Variants in TAOK3 observed in about 807,000 individuals in gnomAD.
TAOK3 encodes TAO kinase 3.
Under a neutral mutation model 120.4 loss-of-function variants are expected in TAOK3, and 40 were observed. The observed-to-expected ratio is 0.33, with a 90% confidence interval of 0.26 to 0.43. The LOEUF (loss-of-function observed/expected upper bound fraction) is 0.43, where lower values mean the gene tolerates loss of function less well. Ranked by LOEUF, TAOK3 falls within the 20% of genes least tolerant of loss-of-function variation. The pLI is 1.00. For missense variants in TAOK3, 821 were observed against 1,112.1 expected (o/e 0.74, Z 3.72); for synonymous variants, 355 against 387.5 (o/e 0.92, Z 0.99).
intron 10 of TAOK3, 30 bp downstream of exon 10, chr12:118,213,987 T>C: frequency 6.4e-7 from 1 of 1,561,358 alleles, no homozygotes. Flanking sequence ...GTGATTTTCT[T>C]AGAGATTTAA....
chr12:118,309,327 C>CA (rs771231916), intron 1 of TAOK3, among the ~76,000 whole-genome samples: 7,345 of 70,382 alleles, frequency 0.1, 418 homozygotes, highest in East Asian at 0.36. Flanking sequence ...AGACTGTCTC[C>CA]AAAAAAAAAA....
chr12:118,237,750 G>T (rs2040075363), intron 7 of TAOK3, among the ~76,000 whole-genome samples: 1 of 152,108 alleles, frequency 6.6e-6, no homozygotes, highest in African/African-American at 2.4e-5. Context: ...ATAAATATAT[G>T]CAAGGAAGGT....
intron 1 of TAOK3, among the ~76,000 whole-genome samples, chr12:118,336,740 C>G (rs372307061): frequency 2.0e-5 from 3 of 152,040 alleles, no homozygotes; most frequent in African/African-American, 7.2e-5. Flanking sequence ...AACTCAAAAC[C>G]CAACAGTAAA....
chr12:118,369,112 T>G (rs999123630), intron 1 of TAOK3, among the ~76,000 whole-genome samples: 20 of 151,378 alleles, frequency 1.3e-4, no homozygotes, highest in South Asian at 1.1e-3. Context: ...CGCTTGATCT[T>G]GGGAGGCAGA....
At chr12:118,314,061 T>G (rs1197173273) in intron 1 of TAOK3, among the ~76,000 whole-genome samples, 1 of 152,184 alleles carries the variant, frequency 6.6e-6, no homozygotes, top group Non-Finnish European at 1.5e-5. Context: ...CTTTTAACAG[T>G]GACATTTTAA....
At chr12:118,172,350 C>G (rs1358005332) in intron 17 of TAOK3, 107 bp downstream of exon 17, 109 of 1,223,368 alleles carry the variant, frequency 8.9e-5, no homozygotes, top group Non-Finnish European at 2.4e-6. Context: ...TGCTAAAAGG[C>G]TAGAAAGGCT....
At chr12:118,162,842 G>A (rs189098863) in intron 17 of TAOK3, among the ~76,000 whole-genome samples, 8 of 152,276 alleles carry the variant, frequency 5.3e-5, no homozygotes, top group African/African-American at 1.9e-4. Flanking sequence ...GAAAAAAGGG[G>A]AAGTTGGGTG....
intron 3 of TAOK3, among the ~76,000 whole-genome samples, chr12:118,255,179 T>G (rs767868456): frequency 2.6e-5 from 4 of 152,238 alleles, no homozygotes; most frequent in Non-Finnish European, 5.9e-5. Flanking sequence ...TATTTGCCTC[T>G]ACGGTAGATA....
At chr12:118,353,093 G>A (rs1434561317) in intron 1 of TAOK3, among the ~76,000 whole-genome samples, 1 of 152,106 alleles carries the variant, frequency 6.6e-6, no homozygotes, top group Non-Finnish European at 1.5e-5. Context: ...CCTTATGCTA[G>A]GAACTGTGAA....
chr12:118,354,734 C>A (rs2045323179), intron 1 of TAOK3, among the ~76,000 whole-genome samples: 1 of 152,098 alleles, frequency 6.6e-6, no homozygotes, highest in Non-Finnish European at 1.5e-5. Context: ...AGTTTCTCTG[C>A]ACAAGCTCTC....
At chr12:118,296,428 C>G (rs1309975304) in intron 1 of TAOK3, among the ~76,000 whole-genome samples, 1 of 152,134 alleles carries the variant, frequency 6.6e-6, no homozygotes, top group Non-Finnish European at 1.5e-5. Flanking sequence ...GCCACTATGC[C>G]TGGCCTGATT....
intron 1 of TAOK3, among the ~76,000 whole-genome samples, chr12:118,370,989 CCT>C (rs950689335): frequency 6.6e-6 from 1 of 152,158 alleles, no homozygotes; most frequent in Admixed American, 6.5e-5. Context: ...GACTCCAAAA[CCT>C]CTTTTGAAAA....
chr12:118,372,616 C>A lies in TAOK3; in HGVS notation c.-194+32G>T. ...CCTGGGGTCCCGCCGCCTCGGCTCC[C>A]ACTGTCATGCCCCGCGCCCCGGTGC... On this transcript the variant is annotated intron_variant, in intron 1 of 20. Coordinates refer to ENST00000392533, the MANE Select transcript of TAOK3 (RefSeq NM_016281.4). This position sits in a 1 kb window ranked among gnomAD's most constrained non-coding sequence, Gnocchi z 4.6. 6.3e-6 allele frequency: 1 copy of A among 157,680 alleles called. No individual in the cohort carries two copies. Among genetic ancestry groups the A allele is most frequent in the South Asian group, 1.8e-4 (1 of 5,676 alleles). 9.8% of individuals were successfully genotyped at this position (157,680 alleles called of 1,614,324 possible).
At chr12:118,350,793 G>A (rs1480566401) in intron 1 of TAOK3, among the ~76,000 whole-genome samples, 2 of 151,256 alleles carry the variant, frequency 1.3e-5, no homozygotes, top group East Asian at 3.9e-4. Flanking sequence ...CTGGGAGGTG[G>A]AGGTTGCAGT....
chr12:118,191,526 T>G (rs541112065), intron 13 of TAOK3, among the ~76,000 whole-genome samples: 2 of 152,340 alleles, frequency 1.3e-5, no homozygotes, highest in Admixed American at 1.3e-4. Flanking sequence ...AATGGCTATG[T>G]TTCAAGCACT....
At chr12:118,250,491 A>G (rs2040702067) in intron 3 of TAOK3, among the ~76,000 whole-genome samples, 1 of 152,220 alleles carries the variant, frequency 6.6e-6, no homozygotes, top group Non-Finnish European at 1.5e-5. Context: ...TAAAAATACT[A>G]GCTGCCAGAC....
chr12:118,162,030 G>A lies in TAOK3; in HGVS notation c.1900-3C>T. On this transcript the variant is annotated splice_region_variant and splice_polypyrimidine_tract_variant and intron_variant, in intron 17 of 20. Transcript: ENST00000392533. ...TGGGTCCTCTTTTTATTTAGTTCCT[G>A]CGTCCAGGAACAAAAGATAAACGGA... 1 of 1,612,154 alleles carries A rather than the reference G, an allele frequency of 6.2e-7. No individual in the cohort carries two copies. Among genetic ancestry groups the A allele is most frequent in the Non-Finnish European group, 8.5e-7 (1 of 1,178,502 alleles).
At chr12:118,342,070 A>T (rs929835275) in intron 1 of TAOK3, among the ~76,000 whole-genome samples, 1 of 149,624 alleles carries the variant, frequency 6.7e-6, no homozygotes, top group African/African-American at 2.4e-5. Flanking sequence ...GTGATCTCTC[A>T]TTTTTTTTTT....
At chr12:118,206,419 C>T (rs955088399) in intron 11 of TAOK3, among the ~76,000 whole-genome samples, 4 of 152,192 alleles carry the variant, frequency 2.6e-5, no homozygotes, top group Admixed American at 2.0e-4. Context: ...TAGCCTTTTA[C>T]AGCCAGGTTC....
Sources: gnomAD v4.1 joint callset for allele counts (sites outside exome capture counted in the v4.1 genomes callset) on GRCh38, gnomAD v4.1.1 for gene constraint, Gnocchi (gnomAD v3.1) non-coding constraint, MANE v1.5 for transcripts, NCBI Gene and HGNC (gene_info 2026-07-23, HGNC 2026-07-21) for gene names.